CHL1: variants seen among roughly 807,000 people sequenced by gnomAD.
CHL1 encodes cell adhesion molecule L1 like.
In CHL1, 96 loss-of-function variants were observed where a neutral mutation model predicts 141.9. The ratio of observed to expected loss-of-function variants is 0.68; its 90% confidence interval spans 0.57 to 0.80. The LOEUF (loss-of-function observed/expected upper bound fraction) is 0.80, where lower values mean the gene tolerates loss of function less well. Among genes scored for constraint, CHL1 ranks in the 30% least tolerant of loss-of-function variants. CHL1 has a pLI of 0.00. For missense variants in CHL1, 1,820 were observed against 1,457.2 expected, an observed-to-expected ratio of 1.25 and a Z score of -4.05; for synonymous variants, 613 against 502.2, an observed-to-expected ratio of 1.22 and a Z score of -2.95.
At chr3:306,997 G>A (rs1040281910) in intron 2 of CHL1, among the ~76,000 whole-genome samples, 1 of 152,112 alleles carries the variant, frequency 6.6e-6, no homozygotes. Context: ...TTAGGTTAAG[G>A]CTAATGGTGT....
chr3:257,228 A>T (rs1457849042), intron 2 of CHL1, among the ~76,000 whole-genome samples: 4 of 151,544 alleles, frequency 2.6e-5, no homozygotes, highest in African/African-American at 7.3e-5. Flanking sequence ...TAAAGCATTT[A>T]AAAAAAATTT....
intron 5 of CHL1, among the ~76,000 whole-genome samples, chr3:337,336 G>A (rs894055150): frequency 2.0e-5 from 3 of 150,042 alleles, no homozygotes; most frequent in African/African-American, 2.5e-5. Flanking sequence ...GACCACAGGC[G>A]CCCGCCACCA....
intron 9 of CHL1, among the ~76,000 whole-genome samples, chr3:346,139 G>A (rs968439580): frequency 5.3e-5 from 8 of 152,254 alleles, no homozygotes; most frequent in African/African-American, 1.7e-4. Flanking sequence ...CTGAACGACT[G>A]GTTTAGAAAT....
At chr3:239,363 G>A (rs941818032) in intron 1 of CHL1, among the ~76,000 whole-genome samples, 3 of 152,092 alleles carry the variant, frequency 2.0e-5, no homozygotes, top group African/African-American at 7.2e-5. Flanking sequence ...GCTTACGATC[G>A]CACAACAAGT....
intron 2 of CHL1, among the ~76,000 whole-genome samples, chr3:255,201 C>T (rs1694043038): frequency 6.6e-6 from 1 of 152,144 alleles, no homozygotes; most frequent in Admixed American, 6.6e-5. Flanking sequence ...TGCATTCTGG[C>T]AAAACGATGT....
intron 2 of CHL1, among the ~76,000 whole-genome samples, chr3:250,335 A>G (rs1289853387): frequency 6.6e-6 from 1 of 152,176 alleles, no homozygotes; most frequent in East Asian, 1.9e-4. Context: ...CAATTAGACC[A>G]GGTTTGTATA....
chr3:345,182 T>C (rs1702659756), intron 9 of CHL1, among the ~76,000 whole-genome samples: 1 of 152,064 alleles, frequency 6.6e-6, no homozygotes, highest in Non-Finnish European at 1.5e-5. Context: ...CTTAGTTAAG[T>C]TTAAGAAGCC....
chr3:284,653 G>A (rs1696968708), intron 2 of CHL1, among the ~76,000 whole-genome samples: 1 of 152,184 alleles, frequency 6.6e-6, no homozygotes, highest in Non-Finnish European at 1.5e-5. Context: ...ACAAATTTTA[G>A]TTCTATCTTC....
chr3:293,268 G>A (rs925661452), intron 2 of CHL1, among the ~76,000 whole-genome samples: 2 of 152,242 alleles, frequency 1.3e-5, no homozygotes, highest in South Asian at 2.1e-4. Context: ...TTGGGAGGCC[G>A]AGGTGGATGG....
intron 1 of CHL1, among the ~76,000 whole-genome samples, chr3:240,567 A>T (rs1326017184): frequency 6.6e-6 from 1 of 152,050 alleles, no homozygotes; most frequent in East Asian, 1.9e-4. Context: ...TATTCTGCTG[A>T]CTGTTCATTT....
intron 1 of CHL1, chr3:217,576 G>T (rs1371545710): frequency 6.6e-6 from 1 of 152,464 alleles, no homozygotes; most frequent in Non-Finnish European, 1.5e-5. Context: ...CAGAAGAGCA[G>T]AGTTCCCAGC....
chr3:241,672 T>C (rs1350236187), intron 1 of CHL1, among the ~76,000 whole-genome samples: 1 of 152,188 alleles, frequency 6.6e-6, no homozygotes. Flanking sequence ...AGTCATACTT[T>C]TTAAATCTTA....
intron 4 of CHL1, among the ~76,000 whole-genome samples, chr3:326,682 A>C (rs964771869): frequency 2.0e-5 from 3 of 151,834 alleles, no homozygotes; most frequent in African/African-American, 7.3e-5. Context: ...AAAAATGTGG[A>C]TGTATTGGAA....
chr3:391,990 GTT>G (rs1490901854), intron 23 of CHL1, among the ~76,000 whole-genome samples, 193 bp downstream of exon 23: 1 of 152,154 alleles, frequency 6.6e-6, no homozygotes, highest in Non-Finnish European at 1.5e-5. Flanking sequence ...TAGGAATAAA[GTT>G]TTATGACGAC....
intron 2 of CHL1, among the ~76,000 whole-genome samples, chr3:263,431 C>T (rs1172302753): frequency 2.0e-5 from 3 of 151,988 alleles, no homozygotes; most frequent in African/African-American, 7.2e-5. Flanking sequence ...TCTTTGTATC[C>T]TTGTGACACG....
intron 10 of CHL1, among the ~76,000 whole-genome samples, chr3:349,988 C>G (rs550430641): frequency 2.6e-5 from 4 of 152,276 alleles, no homozygotes; most frequent in African/African-American, 7.2e-5. Flanking sequence ...ACCTCAGGCT[C>G]TTCACCAAAG....
Position 263,213 on chromosome 3 carries a change from G to A in CHL1, c.-95+18521G>A, listed in dbSNP as rs551429074. Among the ~76,000 whole-genome samples the A allele has an allele frequency of 3.9e-5, 6 of 152,240 alleles. 1 individual carries two copies. The South Asian group carries it at 6.2e-4, about 16-fold the overall frequency. On this transcript the variant is annotated intron_variant, in intron 2 of 27. Transcript: ENST00000256509. ...CAACTTCTGTCCACTCAAGTGCCCCGAGACTGCTGGTGATTTAGCAAGTGA... is the reference window on the plus strand; with the variant it reads ...CAACTTCTGTCCACTCAAGTGCCCCAAGACTGCTGGTGATTTAGCAAGTGA...
At chr3:258,047 C>T (rs1043960968) in intron 2 of CHL1, among the ~76,000 whole-genome samples, 3 of 152,058 alleles carry the variant, frequency 2.0e-5, no homozygotes, top group African/African-American at 7.2e-5. Flanking sequence ...TGGGAGGTGA[C>T]GCAGGAAGGC....
intron 10 of CHL1, among the ~76,000 whole-genome samples, chr3:352,900 A>G (rs974687487): frequency 6.6e-6 from 1 of 152,210 alleles, no homozygotes; most frequent in Non-Finnish European, 1.5e-5. Flanking sequence ...ATACAAATTC[A>G]TAAGATAACA....
Sources: gnomAD v4.1 joint callset for allele counts (sites outside exome capture counted in the v4.1 genomes callset) on GRCh38, gnomAD v4.1.1 for gene constraint, MANE v1.5 for transcripts, NCBI Gene and HGNC (gene_info 2026-07-23, HGNC 2026-07-21) for gene names.